ANKRD45: variants seen among roughly 807,000 people sequenced by gnomAD.
ANKRD45 encodes the protein ankyrin repeat domain 45.
A neutral mutation model predicts 28.1 loss-of-function variants in ANKRD45; 21 were observed. The observed-to-expected ratio is 0.75, with a 90% CI of 0.53 to 1.08. The LOEUF is 1.08. ANKRD45 is among the 50% of genes least tolerant of loss of function. ANKRD45 has a pLI of 0.00. For missense variants in ANKRD45, 261 were observed against 308.7 expected, an observed-to-expected ratio of 0.85 and a Z score of 1.16; for synonymous variants, 86 against 103.9, an observed-to-expected ratio of 0.83 and a Z score of 1.05.
At chr1:173,612,319 AGAAGGAAGGAAGGAAGGAAG>A (rs200258529) in intron 5 of ANKRD45, among the ~76,000 whole-genome samples, 1 of 130,328 alleles carries the variant, frequency 7.7e-6, no homozygotes, top group East Asian at 2.4e-4. Flanking sequence ...AAGGAAGGAA[AGAAGGAAGGAAGGAAGGAAG>A]GAAGGAAGGA....
At chr1:173,643,674 G>A (rs1465520131) in intron 3 of ANKRD45, among the ~76,000 whole-genome samples, 7 of 151,656 alleles carry the variant, frequency 4.6e-5, no homozygotes, top group African/African-American at 9.7e-5. Flanking sequence ...TATGGTTACC[G>A]TATTTTTCAA....
chr1:173,673,438 T>A (rs574838198), upstream of ANKRD45, among the ~76,000 whole-genome samples: 28 of 152,192 alleles, frequency 1.8e-4, no homozygotes, highest in South Asian at 5.8e-3. Context: ...ATAGACTGAG[T>A]CATGTCCGTT....
At chr1:173,611,085 C>T (rs543297588) in intron 5 of ANKRD45, among the ~76,000 whole-genome samples, 99 of 152,250 alleles carry the variant, frequency 6.5e-4, no homozygotes, top group Admixed American at 1.7e-3. Flanking sequence ...TGCAAAAACT[C>T]TATTTTCTAC....
chr1:173,654,002 T>C (rs1461993504), intron 2 of ANKRD45, among the ~76,000 whole-genome samples: 4 of 151,030 alleles, frequency 2.6e-5, no homozygotes, highest in Non-Finnish European at 5.9e-5. Flanking sequence ...TGTGTGTCTC[T>C]GCACATGAGA....
chr1:173,656,156 G>A (rs977068737), intron 2 of ANKRD45, among the ~76,000 whole-genome samples: 3 of 152,162 alleles, frequency 2.0e-5, no homozygotes, highest in Non-Finnish European at 4.4e-5. Context: ...TACCTCAGTC[G>A]GAAATGCAGA....
At chr1:173,705,025 T>C in the ANKRD45 span, among the ~76,000 whole-genome samples, 2 of 152,222 alleles carry the variant, frequency 1.3e-5, no homozygotes, top group Non-Finnish European at 2.9e-5. Flanking sequence ...TGACCAGTGA[T>C]TGAATGCAGG....
intron 5 of ANKRD45, among the ~76,000 whole-genome samples, chr1:173,610,913 C>T (rs1006342872): frequency 2.6e-5 from 4 of 152,130 alleles, no homozygotes; most frequent in African/African-American, 9.7e-5. Context: ...TCTCCTCTCC[C>T]TCCAATCCAT....
At chr1:173,667,521 G>C (rs1670074426) in intron 1 of ANKRD45, among the ~76,000 whole-genome samples, 1 of 151,922 alleles carries the variant, frequency 6.6e-6, no homozygotes, top group Non-Finnish European at 1.5e-5. Flanking sequence ...GGCCAATATG[G>C]TGAAACCCCG....
At chr1:173,673,442 G>A (rs1348922805), upstream of ANKRD45, among the ~76,000 whole-genome samples, 1 of 152,050 alleles carries the variant, frequency 6.6e-6, no homozygotes, top group Non-Finnish European at 1.5e-5. Context: ...ACTGAGTCAT[G>A]TCCGTTGTAC....
At chr1:173,630,735 G>A (rs1018203994) in intron 3 of ANKRD45, among the ~76,000 whole-genome samples, 3 of 144,002 alleles carry the variant, frequency 2.1e-5, no homozygotes, top group Admixed American at 1.4e-4. Context: ...CAGGAGAATC[G>A]CTTGAAGCCA....
the ANKRD45 span, among the ~76,000 whole-genome samples, chr1:173,686,226 C>T: frequency 2.6e-5 from 4 of 152,114 alleles, no homozygotes; most frequent in African/African-American, 4.8e-5. Context: ...TGCAATAGTT[C>T]GAGGCAAAAT....
chr1:173,630,057 A>G (rs1460601594), intron 3 of ANKRD45, among the ~76,000 whole-genome samples: 6 of 152,238 alleles, frequency 3.9e-5, no homozygotes, highest in Admixed American at 3.9e-4. Flanking sequence ...AGAACAGTGT[A>G]TCCATGAAAA....
chr1:173,622,791 G>A (rs1667761547), intron 5 of ANKRD45, among the ~76,000 whole-genome samples: 1 of 151,972 alleles, frequency 6.6e-6, no homozygotes, highest in African/African-American at 2.4e-5. Context: ...TGCAACAAAA[G>A]GAAAAATTGA....
the ANKRD45 span, among the ~76,000 whole-genome samples, chr1:173,688,313 T>TCTCTTTCTCTCTCTGACTCC: frequency 5.2e-4 from 79 of 151,184 alleles, 1 homozygote; most frequent in African/African-American, 1.6e-3. Flanking sequence ...ACTTTCTGTC[T>TCTCTTTCTCTCTCTGACTCC]CTCTTTCTCT....
At chr1:173,615,852 C>T (rs1479237183) in intron 5 of ANKRD45, among the ~76,000 whole-genome samples, 2 of 152,004 alleles carry the variant, frequency 1.3e-5, no homozygotes, top group African/African-American at 2.4e-5. Context: ...ACCTGTAATC[C>T]CAGCACTTTG....
At chr1:173,659,529 TA>T in intron 1 of ANKRD45, 96 bp from the exon 2 acceptor site, 4 of 1,039,524 alleles carry the variant, frequency 3.8e-6, no homozygotes, top group Non-Finnish European at 5.4e-6. Context: ...ATAGATGGTA[TA>T]AAAATACTTA....
chr1:173,695,692 G>A, the ANKRD45 span, among the ~76,000 whole-genome samples: 4 of 152,200 alleles, frequency 2.6e-5, 1 homozygote, highest in Admixed American at 1.3e-4. Context: ...TTGGCAGAAT[G>A]TTTTATGATC....
At chr1:173,657,481 A>G in intron 2 of ANKRD45, 1 of 161,176 alleles carries the variant, frequency 6.2e-6, no homozygotes, top group South Asian at 1.4e-4. Context: ...AAAAAAAAAA[A>G]AGAGAACAAC....
At chr1:173,684,011 A>C in the ANKRD45 span, among the ~76,000 whole-genome samples, 14 of 152,248 alleles carry the variant, frequency 9.2e-5, no homozygotes, top group Non-Finnish European at 1.9e-4. Context: ...ACTAATTCCA[A>C]TTGGCTAATT....
Sources: allele counts gnomAD v4.1 joint callset (sites outside exome capture counted in the v4.1 genomes callset), GRCh38; gene constraint gnomAD v4.1.1; transcripts MANE v1.5; gene names NCBI Gene and HGNC (gene_info 2026-07-23, HGNC 2026-07-21).